The following ADCY1 variants were observed in gnomAD, a reference collection of about 807,000 sequenced individuals.
The protein encoded by ADCY1 is adenylate cyclase type 1.
In ADCY1, 28 loss-of-function variants were observed where a neutral mutation model predicts 105.4. The observed-to-expected ratio is 0.27, with a 90% CI of 0.20 to 0.36. ADCY1 has a LOEUF of 0.36. Among genes scored for constraint, ADCY1 ranks in the 10% least tolerant of loss-of-function variants. ADCY1 has a pLI of 1.00. For synonymous variants in ADCY1, 655 were observed against 623.8 expected (o/e 1.05, Z -0.75); for missense variants, 977 against 1,434.2 (o/e 0.68, Z 5.15).
At position 45,574,894 on chromosome 7, in the gene ADCY1, C is replaced by G; in HGVS notation, c.351C>G (p.Pro117=). ...CCAACGTCCGGTCCCTGCAGGTGCC[C>G]CAGCTGCAGCAGGTCGGCCAGCTGG... ...VVTNVRSLQV[P]QLQQVGQLAL... The change falls in exon 1 of 20, where the codon CCC becomes CCG. Residue 117 remains proline (P), a synonymous_variant. Transcript: ENST00000297323. This position sits in a 1 kb window ranked among gnomAD's most constrained non-coding sequence, Gnocchi z 7.0. The G allele has an allele frequency of 6.2e-7, 1 of 1,611,944 alleles. No homozygotes were observed.
intron 17 of ADCY1, among the ~76,000 whole-genome samples, chr7:45,706,963 A>G (rs1260242863): frequency 6.6e-6 from 1 of 152,240 alleles, no homozygotes; most frequent in Non-Finnish European, 1.5e-5. Context: ...GATGCTCAGC[A>G]TTGTATGTTT....
chr7:45,595,495 A>G (rs1264992259), intron 2 of ADCY1, among the ~76,000 whole-genome samples: 1 of 150,530 alleles, frequency 6.6e-6, no homozygotes, highest in Admixed American at 6.6e-5. Context: ...GCTGACGGCG[A>G]CTCCTTCATG....
intron 19 of ADCY1, among the ~76,000 whole-genome samples, chr7:45,711,731 G>A (rs2877340): frequency 0.099 from 13,779 of 138,982 alleles, 930 homozygotes; most frequent in Non-Finnish European, 0.14. Flanking sequence ...ATACATATAT[G>A]TGTGTATATA....
At position 45,720,275 on chromosome 7, in the gene ADCY1, C is replaced by CG. The variant is rs1785446758; in HGVS notation, c.*6282dup. The stretch of plus-strand genomic sequence containing the variant: ...CCTGTAAGCCCAGCACTTTGGGAGG[C>CG]GGAGGCGGGTGGATCCATTGAGGTC... On this transcript the variant is annotated 3_prime_UTR_variant, in exon 20 of 20. Coordinates refer to ENST00000297323, the MANE Select transcript of ADCY1 (RefSeq NM_021116.4). 2 of 152,088 alleles carry CG rather than the reference C, an allele frequency of 1.3e-5. No individual in the cohort carries two copies. The highest frequency in any genetic ancestry group is 4.2e-4 in the South Asian group (2 of 4,810). 9.4% of individuals were successfully genotyped at this position (152,088 alleles called of 1,614,324 possible). A position where few individuals can be genotyped will look rare whatever the true frequency, so the allele number is the denominator to read the frequency against.
At position 45,627,136 on chromosome 7, in the gene ADCY1, A is replaced by G. The variant is rs73117926; in HGVS notation, c.1020+4393A>G. ...TTGACCTCACAGAAGTCTTTGTAAC[A>G]TCCTGGCCAGCACATGATGTCATCT... On this transcript the variant is annotated intron_variant, in intron 4 of 19. Coordinates refer to ENST00000297323, the MANE Select transcript of ADCY1 (RefSeq NM_021116.4). Among the ~76,000 whole-genome samples the G allele has an allele frequency of 5.1e-3, 775 of 152,326 alleles. 6 individuals carry two copies. The highest frequency in any genetic ancestry group is 0.014 in the Middle Eastern group (4 of 294).
At chr7:45,679,259 C>A (rs1784514757) in intron 10 of ADCY1, among the ~76,000 whole-genome samples, 3 of 152,202 alleles carry the variant, frequency 2.0e-5, no homozygotes, top group Admixed American at 1.3e-4. Flanking sequence ...TCCTGCCCAG[C>A]CCACAGACAC....
intron 4 of ADCY1, among the ~76,000 whole-genome samples, chr7:45,642,038 G>T (rs1457053129): frequency 6.6e-6 from 1 of 151,886 alleles, no homozygotes; most frequent in Non-Finnish European, 1.5e-5. Context: ...ATATTTGGAG[G>T]TGACTGAACA....
chr7:45,634,481 C>T (rs781732723), intron 4 of ADCY1, among the ~76,000 whole-genome samples: 14 of 147,514 alleles, frequency 9.5e-5, no homozygotes, highest in Non-Finnish European at 2.1e-4. Context: ...AATTCTTTTG[C>T]ATCTATTGGA....
At chr7:45,674,250 G>T (rs1396947666) in intron 8 of ADCY1, among the ~76,000 whole-genome samples, 1 of 151,932 alleles carries the variant, frequency 6.6e-6, no homozygotes, top group Non-Finnish European at 1.5e-5. Context: ...TGCCATTGTT[G>T]CATGGAGTAT....
chr7:45,630,936 G>A (rs1794230616), intron 4 of ADCY1, among the ~76,000 whole-genome samples: 2 of 152,074 alleles, frequency 1.3e-5, no homozygotes, highest in African/African-American at 4.8e-5. Context: ...CACACTGAGA[G>A]CAGCCATCCA....
In ADCY1 at chr7:45,699,978, G is replaced by A. The variant is rs2072000651; in HGVS notation, c.2455-3398G>A. ...GAGGGTCCAGCCAGAAGCCCCCCTT[G>A]GTCTCTCTGGTTATCAAGGGCTGGG... On this transcript the variant is annotated intron_variant, in intron 14 of 19. Coordinates refer to ENST00000297323, the MANE Select transcript of ADCY1 (RefSeq NM_021116.4). Among the ~76,000 whole-genome samples, 2 of 152,136 alleles carry A rather than the reference G, an allele frequency of 1.3e-5. 1 individual carries two copies. The highest frequency in any genetic ancestry group is 4.1e-4 in the South Asian group (2 of 4,830).
chr7:45,626,219 A>G (rs554858637), intron 4 of ADCY1, among the ~76,000 whole-genome samples: 7 of 152,352 alleles, frequency 4.6e-5, no homozygotes, highest in African/African-American at 1.7e-4. Context: ...GTGGCTGTAC[A>G]CCAGTAAAAC....
At chr7:45,656,981 A>T (rs983448095) in intron 5 of ADCY1, among the ~76,000 whole-genome samples, 1 of 152,272 alleles carries the variant, frequency 6.6e-6, no homozygotes, top group Non-Finnish European at 1.5e-5. Flanking sequence ...AAACTGAGGC[A>T]TAGAGATGGG....
At position 45,703,514 on chromosome 7, in the gene ADCY1, G is replaced by A. The variant is rs774854959; in HGVS notation, c.2571+22G>A. ...CATGGTGAGCACCCAGCCTGCTCCT[G>A]GCCAGCACTAGCCCTACACTGCTCT... is the stretch of plus-strand genomic sequence containing the variant. On this transcript the variant is annotated intron_variant, in intron 15 of 19. Coordinates refer to ENST00000297323, the MANE Select transcript of ADCY1 (RefSeq NM_021116.4). The surrounding 1 kb of genome is among the most constrained non-coding windows in gnomAD (Gnocchi z 5.9). 1.9e-6 allele frequency: 3 copies of A among 1,613,978 alleles called. No homozygotes were observed. Among genetic ancestry groups the A allele is most frequent in the African/African-American group, 1.3e-5 (1 of 75,008 alleles).
At chr7:45,582,301 T>G (rs1007338700) in intron 1 of ADCY1, among the ~76,000 whole-genome samples, 3 of 152,062 alleles carry the variant, frequency 2.0e-5, no homozygotes, top group Admixed American at 6.5e-5. Flanking sequence ...CACAGAGACC[T>G]GGGTTGAAGC....
At position 45,591,594 on chromosome 7, in the gene ADCY1, A is replaced by G. The variant is rs764399495; in HGVS notation, c.640-1165A>G. On this transcript the variant is annotated intron_variant, in intron 1 of 19. Transcript: ENST00000297323. This position sits in a 1 kb window ranked among gnomAD's most constrained non-coding sequence, Gnocchi z 4.1. ...CTTAATCAGACATAGAAATTCTCCAATTTTGCGAGTGACCAAGGGACACCC... is the reference window on the plus strand; with the variant it reads ...CTTAATCAGACATAGAAATTCTCCAGTTTTGCGAGTGACCAAGGGACACCC... 7.9e-5 allele frequency among the ~76,000 whole-genome samples: 12 copies of G among 152,184 alleles called. No homozygotes were observed. The highest frequency in any genetic ancestry group is 1.6e-4 in the Non-Finnish European group (11 of 68,026).
intron 2 of ADCY1, among the ~76,000 whole-genome samples, chr7:45,607,087 T>G (rs1237492801): frequency 6.6e-6 from 1 of 152,170 alleles, no homozygotes; most frequent in African/African-American, 2.4e-5. Flanking sequence ...TGTACTTTAG[T>G]CTGTGGTTAT....
At position 45,608,195 on chromosome 7, in the gene ADCY1, A is replaced by G. The variant is rs568312667; in HGVS notation, c.790-2184A>G. ...GGTTTTGATTTGCATTTCTCTAATG[A>G]TTAGTGATGATGAGCATTTTTTCAT... On this transcript the variant is annotated intron_variant, in intron 2 of 19. Transcript: ENST00000297323. Among the ~76,000 whole-genome samples the G allele has an allele frequency of 2.6e-5, 4 of 152,128 alleles. No individual in the cohort carries two copies. In the East Asian group the frequency reaches 5.8e-4, roughly 22 times the overall value.
intron 1 of ADCY1, among the ~76,000 whole-genome samples, chr7:45,581,914 C>A (rs1188246752): frequency 6.6e-6 from 1 of 152,118 alleles, no homozygotes; most frequent in Non-Finnish European, 1.5e-5. Flanking sequence ...CTCATTCTCC[C>A]CCCAAACATG....
Sources: gnomAD v4.1 joint callset for allele counts (sites outside exome capture counted in the v4.1 genomes callset) on GRCh38, gnomAD v4.1.1 for gene constraint, Gnocchi (gnomAD v3.1) non-coding constraint, MANE v1.5 for transcripts, NCBI Gene and HGNC (gene_info 2026-07-23, HGNC 2026-07-21) for gene names.